The following ADGRL2 variants were observed in gnomAD, a reference collection of about 807,000 sequenced individuals.
ADGRL2 encodes the protein adhesion G protein-coupled receptor L2.
Under a neutral mutation model 157.4 loss-of-function variants are expected in ADGRL2, and 44 were observed. That is an observed-to-expected ratio of 0.28 (90% CI 0.22 to 0.36). The LOEUF is 0.36. Ranked by LOEUF, ADGRL2 falls within the 10% of genes least tolerant of loss-of-function variation. The probability of loss-of-function intolerance (pLI) is 1.00; values close to 1 mark genes in which losing one functional copy is unlikely to be tolerated. For synonymous variants in ADGRL2, 585 were observed against 624.7 expected (o/e 0.94, Z 0.95); for missense variants, 1,510 against 1,768.9 (o/e 0.85, Z 2.63).
chr1:81,682,405 G>A (rs993082894), intron 3 of ADGRL2, among the ~76,000 whole-genome samples: 3 of 152,030 alleles, frequency 2.0e-5, no homozygotes, highest in Non-Finnish European at 2.9e-5. Flanking sequence ...TAAGATTGAC[G>A]TTAAGCTTCA....
intron 21 of ADGRL2, among the ~76,000 whole-genome samples, chr1:81,986,667 AC>A: frequency 6.6e-6 from 1 of 152,104 alleles, no homozygotes; most frequent in Non-Finnish European, 1.5e-5. Context: ...GCAGGTGTTT[AC>A]TTGGGGGATT....
chr1:81,429,490 C>T (rs1418990952), intron 1 of ADGRL2, among the ~76,000 whole-genome samples: 5 of 152,164 alleles, frequency 3.3e-5, no homozygotes, highest in South Asian at 2.1e-4. Context: ...CAAGCAGGCA[C>T]GATTCAGCCC....
intron 2 of ADGRL2, among the ~76,000 whole-genome samples, chr1:81,495,404 C>A (rs1181640164): frequency 6.6e-6 from 1 of 152,100 alleles, no homozygotes; most frequent in East Asian, 1.9e-4. Flanking sequence ...TAAAATAGAG[C>A]AGGTATATTT....
intron 1 of ADGRL2, among the ~76,000 whole-genome samples, chr1:81,421,897 A>T (rs2077132115): frequency 6.6e-6 from 1 of 152,180 alleles, no homozygotes; most frequent in Non-Finnish European, 1.5e-5. Context: ...TATTTTGAAA[A>T]TGTATCCTGT....
intron 2 of ADGRL2, among the ~76,000 whole-genome samples, chr1:81,480,895 C>T (rs772729695): frequency 4.6e-5 from 7 of 152,252 alleles, no homozygotes; most frequent in Admixed American, 3.9e-4. Flanking sequence ...ACAATTTTAT[C>T]AACTTAAATC....
chr1:81,317,015 T>C (rs1363586362), intron 1 of ADGRL2, among the ~76,000 whole-genome samples: 1 of 152,192 alleles, frequency 6.6e-6, no homozygotes, highest in Non-Finnish European at 1.5e-5. Context: ...GTCTGTCTTT[T>C]TCTTTACAAC....
intron 1 of ADGRL2, among the ~76,000 whole-genome samples, chr1:81,813,256 G>T (rs2090056122): frequency 1.3e-5 from 2 of 151,686 alleles, no homozygotes; most frequent in Middle Eastern, 3.4e-3. Context: ...TATCCATTAT[G>T]TATCTTTGGA....
At chr1:81,571,457 A>G (rs2080691217) in intron 2 of ADGRL2, among the ~76,000 whole-genome samples, 1 of 149,300 alleles carries the variant, frequency 6.7e-6, no homozygotes, top group Non-Finnish European at 1.5e-5. Flanking sequence ...ACACACATAT[A>G]TATATATGGT....
intron 2 of ADGRL2, among the ~76,000 whole-genome samples, chr1:81,473,636 G>A (rs74094013): frequency 1.3e-5 from 2 of 152,054 alleles, no homozygotes; most frequent in Non-Finnish European, 2.9e-5. Context: ...ATAGCAAAAT[G>A]GTGCTTTAAC....
chr1:81,584,184 C>A (rs1463136598), intron 3 of ADGRL2, among the ~76,000 whole-genome samples: 1 of 152,144 alleles, frequency 6.6e-6, no homozygotes, highest in Non-Finnish European at 1.5e-5. Flanking sequence ...ACTTCACCCC[C>A]TAGACCTCCC....
intron 1 of ADGRL2, among the ~76,000 whole-genome samples, chr1:81,330,000 TAGAA>T (rs1015461554): frequency 3.9e-5 from 6 of 152,122 alleles, no homozygotes; most frequent in Non-Finnish European, 8.8e-5. Context: ...AAAGGTGAAA[TAGAA>T]AGAAAACTGT....
chr1:81,734,484 C>A (rs1437675550), intron 1 of ADGRL2, among the ~76,000 whole-genome samples: 1 of 141,126 alleles, frequency 7.1e-6, no homozygotes, highest in African/African-American at 2.6e-5. Flanking sequence ...CCATCGAAGC[C>A]TCCTGAAGAA....
chr1:81,544,754 AC>A (rs2079971423), intron 2 of ADGRL2, among the ~76,000 whole-genome samples: 1 of 152,186 alleles, frequency 6.6e-6, no homozygotes, highest in Non-Finnish European at 1.5e-5. Flanking sequence ...AGGCAATTAA[AC>A]TTTTCATGGT....
At chr1:81,486,858 A>G (rs187488696) in intron 2 of ADGRL2, among the ~76,000 whole-genome samples, 22 of 152,342 alleles carry the variant, frequency 1.4e-4, no homozygotes, top group African/African-American at 4.3e-4. Context: ...AACAAAGTGC[A>G]TACCTTTTTG....
At chr1:81,850,672 A>G (rs1049222606) in intron 2 of ADGRL2, among the ~76,000 whole-genome samples, 2 of 151,956 alleles carry the variant, frequency 1.3e-5, no homozygotes, top group East Asian at 1.9e-4. Context: ...CTAAACAGGA[A>G]TCCTCTGAAT....
At chr1:81,401,402 A>G (rs1479476067) in intron 1 of ADGRL2, among the ~76,000 whole-genome samples, 1 of 124,436 alleles carries the variant, frequency 8.0e-6, no homozygotes, top group Non-Finnish European at 1.8e-5. Context: ...CCCTGTAGGG[A>G]GAAGTTCCTC....
chr1:81,722,991 C>A (rs1570963203), intron 1 of ADGRL2: 1 of 785,882 alleles, frequency 1.3e-6, no homozygotes, highest in East Asian at 2.4e-5. Flanking sequence ...CAGAACCCAG[C>A]AAATTTGTCA....
At chr1:81,826,993 A>G (rs544668373) in intron 1 of ADGRL2, among the ~76,000 whole-genome samples, 2 of 151,984 alleles carry the variant, frequency 1.3e-5, no homozygotes, top group Admixed American at 1.3e-4. Context: ...TTATAGTTTG[A>G]CTTAAATTTT....
intron 2 of ADGRL2, among the ~76,000 whole-genome samples, chr1:81,455,966 C>T (rs543286495): frequency 5.7e-4 from 86 of 152,106 alleles, no homozygotes; most frequent in African/African-American, 2.0e-3. Flanking sequence ...CTTAAATCAC[C>T]AGAAATTATA....
Sources: gnomAD v4.1 joint callset for allele counts (sites outside exome capture counted in the v4.1 genomes callset) on GRCh38, gnomAD v4.1.1 for gene constraint, MANE v1.5 for transcripts, NCBI Gene and HGNC (gene_info 2026-07-23, HGNC 2026-07-21) for gene names.